PLXNC1: variants seen among roughly 807,000 people sequenced by gnomAD.
PLXNC1 encodes the protein plexin-C1.
PLXNC1 carries 75 observed loss-of-function variants against 178.2 expected under a neutral mutation model. The ratio of observed to expected loss-of-function variants is 0.42; its 90% CI spans 0.35 to 0.51. PLXNC1 has a LOEUF of 0.51. Ranked by LOEUF, PLXNC1 falls within the 20% of genes least tolerant of loss-of-function variation. The pLI is 0.02. For synonymous variants in PLXNC1, 790 were observed against 779.9 expected (o/e 1.01, Z -0.22); for missense variants, 1,503 against 1,984.4 (o/e 0.76, Z 4.61).
At chr12:94,254,749 T>A (rs929620767) in intron 15 of PLXNC1, 38 bp from the exon 16 acceptor site, 32 of 1,471,890 alleles carry the variant, frequency 2.2e-5, no homozygotes, top group Middle Eastern at 1.8e-4. Context: ...GGTTTTTGAG[T>A]TACCATGTCC....
intron 21 of PLXNC1, chr12:94,277,844 AT>A (rs768596339): frequency 3.5e-5 from 15 of 428,862 alleles, no homozygotes; most frequent in Middle Eastern, 3.4e-4. Flanking sequence ...GCATGATCAC[AT>A]TTAATCTCCC....
intron 1 of PLXNC1, chr12:94,150,976 G>A (rs962582580): frequency 4.6e-5 from 7 of 152,238 alleles, no homozygotes; most frequent in Non-Finnish European, 1.0e-4. Flanking sequence ...GGGTCCAGTT[G>A]ATGGGGATTA....
intron 1 of PLXNC1, among the ~76,000 whole-genome samples, chr12:94,153,307 C>A (rs1592714404): frequency 6.6e-6 from 1 of 152,240 alleles, no homozygotes; most frequent in Non-Finnish European, 1.5e-5. Context: ...AGCAAACAAC[C>A]TCCCCTAGGA....
At chr12:94,209,361 G>A (rs1426577322) in intron 4 of PLXNC1, among the ~76,000 whole-genome samples, 1 of 151,906 alleles carries the variant, frequency 6.6e-6, no homozygotes, top group Non-Finnish European at 1.5e-5. Context: ...GTCTACATTT[G>A]TTCTTTGCTC....
At chr12:94,284,374 G>C (rs532516554) in intron 23 of PLXNC1, among the ~76,000 whole-genome samples, 1 of 152,130 alleles carries the variant, frequency 6.6e-6, no homozygotes, top group Non-Finnish European at 1.5e-5. Flanking sequence ...ATCCAGAAAT[G>C]AGCAAGAGCA....
At chr12:94,186,669 A>C (rs1453898515) in intron 4 of PLXNC1, 196 bp downstream of exon 4, 2 of 498,290 alleles carry the variant, frequency 4.0e-6, no homozygotes, top group Non-Finnish European at 7.4e-6. Context: ...CAATCACTGG[A>C]CCCGGGAGCT....
At chr12:94,233,664 T>C (rs961432849) in intron 9 of PLXNC1, among the ~76,000 whole-genome samples, 3 of 152,326 alleles carry the variant, frequency 2.0e-5, no homozygotes, top group South Asian at 2.1e-4. Context: ...CTGGAGCCTG[T>C]ACCGAGGGGC....
intron 4 of PLXNC1, among the ~76,000 whole-genome samples, chr12:94,189,329 A>C (rs138920158): frequency 2.6e-5 from 4 of 152,236 alleles, no homozygotes; most frequent in African/African-American, 9.6e-5. Flanking sequence ...AGGACCTGAT[A>C]GGGGTAGGGA....
chr12:94,169,378 T>A, intron 2 of PLXNC1, 85 bp downstream of exon 2: 1 of 1,202,812 alleles, frequency 8.3e-7, no homozygotes, highest in Non-Finnish European at 1.2e-6. Context: ...TGCTTCTGGG[T>A]TATACATGAG....
chr12:94,154,034 A>T (rs1047420104), intron 1 of PLXNC1, among the ~76,000 whole-genome samples: 3 of 152,252 alleles, frequency 2.0e-5, no homozygotes, highest in Admixed American at 2.0e-4. Flanking sequence ...TACACATATT[A>T]TATGCAAAAA....
At chr12:94,199,206 T>C (rs761754018) in intron 4 of PLXNC1, among the ~76,000 whole-genome samples, 1 of 152,156 alleles carries the variant, frequency 6.6e-6, no homozygotes, top group African/African-American at 2.4e-5. Context: ...TATTGCACTA[T>C]TGAGTGGAAT....
chr12:94,163,214 A>G (rs1961455162), intron 1 of PLXNC1, among the ~76,000 whole-genome samples: 1 of 152,020 alleles, frequency 6.6e-6, no homozygotes, highest in South Asian at 2.1e-4. Context: ...AAATACAATA[A>G]TTAGCCAGGC....
intron 4 of PLXNC1, among the ~76,000 whole-genome samples, chr12:94,194,820 A>G (rs11107436): frequency 0.17 from 26,423 of 152,078 alleles, 2,434 homozygotes; most frequent in Middle Eastern, 0.19. Flanking sequence ...AACGTACATC[A>G]TTGTAGGCCC....
Position 94,293,860 on chromosome 12 carries a change from ATCC to A in PLXNC1, c.3880-620_3880-618del, listed in dbSNP as rs553596910. Among the ~76,000 whole-genome samples the A allele has an allele frequency of 3.3e-5, 5 of 152,164 alleles. No homozygotes were observed. The East Asian group carries it at 9.7e-4, about 29-fold the overall frequency. On this transcript the variant is annotated intron_variant, in intron 23 of 30. Transcript: ENST00000258526. ...GGTCTCAAAACTCCTGGACTCAAGG[ATCC>A]TCCTCTTCTTCCTCCCAAAGTGCTG...
intron 21 of PLXNC1, among the ~76,000 whole-genome samples, chr12:94,270,848 T>C (rs1177221437): frequency 6.6e-6 from 1 of 151,976 alleles, no homozygotes; most frequent in Admixed American, 6.6e-5. Context: ...GATCCCTTGA[T>C]CCAGGAAGCT....
chr12:94,239,391 A>G (rs1283810290), intron 10 of PLXNC1, among the ~76,000 whole-genome samples: 2 of 152,274 alleles, frequency 1.3e-5, no homozygotes, highest in Non-Finnish European at 2.9e-5. Context: ...CAACCACTTT[A>G]TGATAAATTT....
chr12:94,222,404 C>G lies in PLXNC1; in HGVS notation c.1703-1824C>G, dbSNP rs1453512847. On this transcript the variant is annotated intron_variant, in intron 6 of 30. Transcript: ENST00000258526. Reference sequence around the variant, plus strand: ...TAAACCTAGAATGGCTTCCCCCTTTCACAAAATCCTGTCTCCCTTTCTGCT... The same window carrying G: ...TAAACCTAGAATGGCTTCCCCCTTTGACAAAATCCTGTCTCCCTTTCTGCT... Among the ~76,000 whole-genome samples, 9 of 152,300 alleles carry G rather than the reference C, an allele frequency of 5.9e-5. No individual in the cohort carries two copies. In the East Asian group the frequency reaches 1.7e-3, roughly 29 times the overall value.
intron 1 of PLXNC1, 46 bp downstream of exon 1, chr12:94,150,079 A>AGCCGCC (rs759727338): frequency 2.8e-6 from 4 of 1,438,986 alleles, no homozygotes; most frequent in South Asian, 1.4e-5. Context: ...GCTGCCGGGG[A>AGCCGCC]GCCGCCGCCG....
intron 6 of PLXNC1, among the ~76,000 whole-genome samples, chr12:94,223,822 G>A (rs539622972): frequency 1.3e-5 from 2 of 152,288 alleles, no homozygotes; most frequent in South Asian, 2.1e-4. Flanking sequence ...TTTTCTGAAG[G>A]TGCAGGATTT....
Sources: gnomAD v4.1 joint callset for allele counts (sites outside exome capture counted in the v4.1 genomes callset) on GRCh38, gnomAD v4.1.1 for gene constraint, MANE v1.5 for transcripts, NCBI Gene and HGNC (gene_info 2026-07-23, HGNC 2026-07-21) for gene names.